CERK: variants seen among roughly 807,000 people sequenced by gnomAD.
CERK encodes acylsphingosine kinase.
In CERK, 39 loss-of-function variants were observed where a neutral mutation model predicts 63.4. The ratio of observed to expected loss-of-function variants is 0.61; its 90% CI spans 0.48 to 0.80. The LOEUF (loss-of-function observed/expected upper bound fraction) is 0.80. Ranked by LOEUF, CERK falls within the 30% of genes least tolerant of loss-of-function variation. The pLI is 0.00. For missense variants in CERK, 670 were observed against 714.1 expected (o/e 0.94, Z 0.70); for synonymous variants, 302 against 280.0 (o/e 1.08, Z -0.78).
intron 8 of CERK, among the ~76,000 whole-genome samples, chr22:46,696,641 C>T (rs1455154649): frequency 6.6e-6 from 1 of 152,238 alleles, no homozygotes; most frequent in East Asian, 1.9e-4. Context: ...CCTTCCATGC[C>T]CTCTGTGCTG....
Position 46,718,907 on chromosome 22 carries a change from G to A in CERK, c.379+1179C>T, listed in dbSNP as rs2082878678. ...TGGGCAATATGGCAAAACCCTGTCT[G>A]TACAAAAAAAATTAGCCAGGCGTGG... On this transcript the variant is annotated intron_variant, in intron 3 of 12. Coordinates refer to ENST00000216264, the MANE Select transcript of CERK (RefSeq NM_022766.6). Among the ~76,000 whole-genome samples, 2 of 151,844 alleles carry A rather than the reference G, an allele frequency of 1.3e-5. 1 individual carries two copies. The highest frequency in any genetic ancestry group is 4.2e-4 in the South Asian group (2 of 4,810).
At chr22:46,721,132 G>C (rs1250446497) in intron 1 of CERK, 117 bp from the exon 2 acceptor site, 5 of 713,442 alleles carry the variant, frequency 7.0e-6, no homozygotes, top group Non-Finnish European at 1.2e-5. Flanking sequence ...AGAAATTCAG[G>C]CTGGGTGTGG....
chr22:46,709,796 G>A (rs2082831442), intron 5 of CERK, among the ~76,000 whole-genome samples: 1 of 152,142 alleles, frequency 6.6e-6, no homozygotes, highest in Admixed American at 6.5e-5. Context: ...CAGAAGAGCT[G>A]GACAGACTTG....
At chr22:46,732,311 G>A (rs2146596442) in intron 1 of CERK, among the ~76,000 whole-genome samples, 1 of 152,212 alleles carries the variant, frequency 6.6e-6, no homozygotes, top group South Asian at 2.1e-4. Flanking sequence ...CCATTAAGTT[G>A]AGATGCATCC....
intron 1 of CERK, among the ~76,000 whole-genome samples, chr22:46,727,068 C>A (rs1412716096): frequency 2.6e-5 from 4 of 152,104 alleles, no homozygotes; most frequent in Non-Finnish European, 5.9e-5. Context: ...AAATCTGTGG[C>A]CAAATTTAGC....
intron 4 of CERK, 78 bp downstream of exon 4, chr22:46,712,090 A>G: frequency 6.5e-7 from 1 of 1,541,246 alleles, no homozygotes; most frequent in South Asian, 1.2e-5. Context: ...CCGTCTAGAA[A>G]AAGCAGAAAC....
chr22:46,729,821 CG>C (rs1295421059), intron 1 of CERK, among the ~76,000 whole-genome samples: 2 of 152,090 alleles, frequency 1.3e-5, no homozygotes, highest in Non-Finnish European at 2.9e-5. Flanking sequence ...AGGTGAATCA[CG>C]AGGGCAGGAG....
At chr22:46,713,153 A>T (rs2082849922) in intron 3 of CERK, among the ~76,000 whole-genome samples, 1 of 152,172 alleles carries the variant, frequency 6.6e-6, no homozygotes, top group Admixed American at 6.5e-5. Context: ...TAACAAATCA[A>T]TAAAAGTAAC....
At chr22:46,688,565 T>C (rs933252398) in intron 12 of CERK, among the ~76,000 whole-genome samples, 1 of 152,182 alleles carries the variant, frequency 6.6e-6, no homozygotes. Context: ...GGCAGAGACC[T>C]CCTCCCTTAG....
chr22:46,691,501 A>G, intron 11 of CERK, 71 bp downstream of exon 11: 1 of 1,315,728 alleles, frequency 7.6e-7, no homozygotes, highest in African/African-American at 1.5e-5. Context: ...TTCCTACAAC[A>G]CATAAACCAG....
intron 8 of CERK, 23 bp downstream of exon 8, chr22:46,699,290 G>GA: frequency 6.2e-7 from 1 of 1,612,488 alleles, no homozygotes; most frequent in Non-Finnish European, 8.5e-7. Flanking sequence ...AGCGGGGAGC[G>GA]AGTCTGCATT....
intron 12 of CERK, among the ~76,000 whole-genome samples, chr22:46,687,722 G>C (rs1386812409): frequency 1.3e-5 from 2 of 152,200 alleles, no homozygotes; most frequent in African/African-American, 4.8e-5. Context: ...GCCAGCAAGA[G>C]CCTTCGGGCT....
chr22:46,685,669 C>G lies in CERK; in HGVS notation c.*1465G>C, dbSNP rs1391048240. Reference sequence around the variant, plus strand: ...TGAACCATTTGGCTTGCACAGTGCTCTCTGATAATGTGGTCCATAAAAACC... The same window carrying G: ...TGAACCATTTGGCTTGCACAGTGCTGTCTGATAATGTGGTCCATAAAAACC... On this transcript the variant is annotated 3_prime_UTR_variant, in exon 13 of 13. Transcript: ENST00000216264. The G allele has an allele frequency of 6.6e-6, 1 of 152,218 alleles. No individual in the cohort carries two copies. Among genetic ancestry groups the G allele is most frequent in the Non-Finnish European group, 1.5e-5 (1 of 68,038 alleles). The allele number at this position is 152,218 out of a possible 1,614,324, so 9.4% of individuals were successfully genotyped here.
At chr22:46,699,273 C>A in intron 8 of CERK, 40 bp downstream of exon 8, 1 of 1,605,120 alleles carries the variant, frequency 6.2e-7, no homozygotes, top group Non-Finnish European at 8.5e-7. Context: ...GCAGTCGGGG[C>A]ACGACCAGCG....
Position 46,711,066 on chromosome 22 carries a change from ATGAAAGACGGC to A in CERK, c.569+9_569+19del. On this transcript the variant is annotated intron_variant, in intron 5 of 12. Transcript: ENST00000216264. Reference sequence around the variant, plus strand: ...TTCATTAACAATGGACTTGATGGCGATGAAAGACGGCTTACTCACCCGTCGTATTTGTCTAT... The same window carrying A: ...TTCATTAACAATGGACTTGATGGCGATTACTCACCCGTCGTATTTGTCTAT... The A allele has an allele frequency of 6.2e-7, 1 of 1,605,494 alleles. No homozygotes were observed. The highest frequency in any genetic ancestry group is 8.5e-7 in the Non-Finnish European group (1 of 1,172,698).
In CERK at chr22:46,691,620, C is replaced by A; in HGVS notation, c.1284G>T (p.Arg428Ser). The A allele has an allele frequency of 6.2e-7, 1 of 1,613,980 alleles. No individual in the cohort carries two copies. The highest frequency in any genetic ancestry group is 2.2e-5 in the East Asian group (1 of 44,884). ...TGATGAGAAATCTCAGAAAATTGAA[C>A]CTGGAGCATTTCCGGATGAGGATGA... ...SDLILIRKCS[R>S]FNFLRFLIRH... The change falls in exon 11 of 13, where the codon AGG becomes AGT. Residue 428 changes from arginine to serine, a missense_variant. By Grantham distance (110) the Arg-to-Ser change is moderately radical. Coordinates refer to ENST00000216264, the MANE Select transcript of CERK (RefSeq NM_022766.6).
rs566464972 is a variant in CERK, at chr22:46,713,466, G to A, written c.380-1173C>T. Reference sequence around the variant, plus strand: ...GGAGCTGGCAGTGAGCCAAGGTCGCGCCACTGCATTCCAGCCTGGGCGACA... The same window carrying A: ...GGAGCTGGCAGTGAGCCAAGGTCGCACCACTGCATTCCAGCCTGGGCGACA... On this transcript the variant is annotated intron_variant, in intron 3 of 12. Transcript: ENST00000216264. Among the ~76,000 whole-genome samples, 16 of 131,378 alleles carry A rather than the reference G, an allele frequency of 1.2e-4. No individual in the cohort carries two copies. In the South Asian group the frequency reaches 2.0e-3, roughly 16 times the overall value. 86.2% of individuals were successfully genotyped at this position (131,378 alleles called of 152,430 possible).
rs186913598 is a variant in CERK, at chr22:46,700,317, C to T, written c.791-852G>A. On this transcript the variant is annotated intron_variant, in intron 7 of 12. Coordinates refer to ENST00000216264, the MANE Select transcript of CERK (RefSeq NM_022766.6). ...CTGAGGCAGGAGAATCGCTTGAACCCGGGAGGCGGAGGTTGCAGTGAGCCA... is the reference window on the plus strand; with the variant it reads ...CTGAGGCAGGAGAATCGCTTGAACCTGGGAGGCGGAGGTTGCAGTGAGCCA... Among the ~76,000 whole-genome samples, 509 of 152,104 alleles carry T rather than the reference C, an allele frequency of 3.3e-3. 5 individuals carry two copies. The highest frequency in any genetic ancestry group is 0.012 in the African/African-American group (482 of 41,486).
chr22:46,687,582 C>G (rs370541498), intron 12 of CERK, among the ~76,000 whole-genome samples: 1 of 149,918 alleles, frequency 6.7e-6, no homozygotes, highest in Non-Finnish European at 1.5e-5. Context: ...GCCCACTCCA[C>G]CCACCCACCC....
Sources: gnomAD v4.1 joint callset for allele counts (sites outside exome capture counted in the v4.1 genomes callset) on GRCh38, gnomAD v4.1.1 for gene constraint, MANE v1.5 for transcripts, NCBI Gene and HGNC (gene_info 2026-07-23, HGNC 2026-07-21) for gene names.